The following AKNAD1 variants were observed in gnomAD, a reference collection of about 807,000 sequenced individuals.
AKNAD1 encodes protein AKNAD1.
Under a neutral mutation model 90.8 loss-of-function variants are expected in AKNAD1, and 67 were observed. The observed-to-expected ratio is 0.74, with a 90% CI of 0.61 to 0.90. The LOEUF is 0.90. Among genes scored for constraint, AKNAD1 ranks in the 40% least tolerant of loss-of-function variants. The pLI is 0.00. For missense variants in AKNAD1, 957 were observed against 975.4 expected (o/e 0.98, Z 0.25); for synonymous variants, 327 against 341.4 (o/e 0.96, Z 0.46).
chr1:108,833,433 A>C (rs34857068), intron 9 of AKNAD1, among the ~76,000 whole-genome samples: 13,095 of 152,178 alleles, frequency 0.086, 745 homozygotes, highest in East Asian at 0.12. Flanking sequence ...AAATACAAAA[A>C]TTAGCTGCAC....
chr1:108,851,844 T>C lies in AKNAD1; in HGVS notation c.821A>G (p.Lys274Arg). The change falls in exon 2 of 16, where the codon AAG becomes AGG. Residue 274 changes from lysine (K) to arginine (R), a missense_variant. Physicochemically the swap from Lys to Arg is conservative, Grantham distance 26. Transcript: ENST00000370001. ...IAPKVKIPKNKIINKPLAIAK... is the reference protein window; with the variant it reads ...IAPKVKIPKNRIINKPLAIAK... ...TATTGCAAGTGGTTTATTAATTATC[T>C]TATTTTTAGGAATTTTCACTTTGGG... 1 of 1,613,714 alleles carries C rather than the reference T, an allele frequency of 6.2e-7. No individual in the cohort carries two copies. The highest frequency in any genetic ancestry group is 8.5e-7 in the Non-Finnish European group (1 of 1,179,892).
intron 8 of AKNAD1, 100 bp from the exon 9 acceptor site, chr1:108,834,628 G>C (rs1664322367): frequency 2.4e-6 from 3 of 1,245,490 alleles, no homozygotes; most frequent in Non-Finnish European, 3.3e-6. Flanking sequence ...CCCCTGGGAT[G>C]GTGGGAGCGA....
At chr1:108,848,868 A>T (rs765826769) in intron 4 of AKNAD1, 44 bp downstream of exon 4, 96 of 1,599,588 alleles carry the variant, frequency 6.0e-5, no homozygotes, top group Non-Finnish European at 8.1e-5. Context: ...TCATGTGTGA[A>T]TTTGGTTACT....
intron 3 of AKNAD1, 110 bp downstream of exon 3, chr1:108,849,427 C>A: frequency 2.7e-6 from 2 of 729,632 alleles, no homozygotes; most frequent in African/African-American, 1.8e-5. Context: ...TGCAATGAAC[C>A]AAGATTGTGC....
chr1:108,825,095 C>A (rs1329608614), intron 11 of AKNAD1, among the ~76,000 whole-genome samples: 1 of 151,534 alleles, frequency 6.6e-6, no homozygotes, highest in East Asian at 2.0e-4. Context: ...GAACTGAGAC[C>A]TCCTGCCAAT....
intron 14 of AKNAD1, among the ~76,000 whole-genome samples, chr1:108,818,963 CAAA>C (rs56396425): frequency 2.0e-5 from 2 of 99,860 alleles, no homozygotes; most frequent in Non-Finnish European, 3.9e-5. Flanking sequence ...AACTCCATCT[CAAA>C]AAAAAAAAAA....
Position 108,857,022 on chromosome 1 carries a change from T to C in AKNAD1, c.-197A>G, listed in dbSNP as rs7522324. 13,734 of 152,254 alleles carry C rather than the reference T, an allele frequency of 0.09. 702 individuals are homozygous for C. The highest frequency in any genetic ancestry group is 0.1 in the Non-Finnish European group (6,960 of 68,020). The allele number at this position is 152,254 out of a possible 1,614,324, so 9.4% of individuals were successfully genotyped here. ...GGCTCAATCTTGAAATCCAAAGGCA[T>C]ATCCAAAGAGGTTCCACTCAGAATC... On this transcript the variant is annotated 5_prime_UTR_variant, in exon 1 of 16. The change creates a new upstream start codon in the 5' untranslated region. Coordinates refer to ENST00000370001, the MANE Select transcript of AKNAD1 (RefSeq NM_152763.5).
chr1:108,852,598 G>C lies in AKNAD1; in HGVS notation c.67C>G (p.Leu23Val). 6.2e-7 allele frequency: 1 copy of C among 1,611,058 alleles called. No homozygotes were observed. Among genetic ancestry groups the C allele is most frequent in the Non-Finnish European group, 8.5e-7 (1 of 1,178,966 alleles). ...TCATTGCCTATCTTAATCTGAGAGA[G>C]GTCCCCATCATAAGGCAAATCCTCC... is the stretch of plus-strand genomic sequence containing the variant. ...KQEDLPYDGD[L>V]SQIKIGNDYS... The change falls in exon 2 of 16, where the codon CTC becomes GTC. Residue 23 changes from leucine (L) to valine (V), a missense_variant. Coordinates refer to ENST00000370001, the MANE Select transcript of AKNAD1 (RefSeq NM_152763.5).
chr1:108,836,211 C>T (rs1664381125), intron 7 of AKNAD1, among the ~76,000 whole-genome samples: 1 of 152,192 alleles, frequency 6.6e-6, no homozygotes, highest in Admixed American at 6.5e-5. Context: ...GCAGGGCCAA[C>T]CCTGAGGTGG....
rs771542694 is a variant in AKNAD1, at chr1:108,834,984, G to T, written c.1609C>A (p.Gln537Lys). The T allele has an allele frequency of 3.8e-6, 6 of 1,563,650 alleles. No individual in the cohort carries two copies. The East Asian group carries it at 1.5e-4, about 38-fold the overall frequency. The change falls in exon 8 of 16, where the codon CAA (glutamine) becomes AAA (lysine). Residue 537 changes from glutamine (Q) to lysine (K), a missense_variant. Transcript: ENST00000370001. ...TTGGGGGCCTCCTGCGGCCCTCCTT[G>T]GGGTGTCCCTGTTACCTCACTCCCA... ...SGGSEVTGTP[Q>K]GGPQEAPNEE...
chr1:108,848,625 G>A, intron 5 of AKNAD1, 127 bp downstream of exon 5: 1 of 830,308 alleles, frequency 1.2e-6, no homozygotes, highest in Admixed American at 2.8e-5. Context: ...AACAAAGATG[G>A]TTTAATCTTT....
chr1:108,834,414 G>A, intron 9 of AKNAD1, 33 bp downstream of exon 9: 1 of 1,555,956 alleles, frequency 6.4e-7, no homozygotes, highest in Non-Finnish European at 8.7e-7. Flanking sequence ...ACAATGAGAA[G>A]AACCCAGCCA....
intron 1 of AKNAD1, among the ~76,000 whole-genome samples, chr1:108,853,289 G>A (rs989883228): frequency 1.3e-4 from 19 of 151,832 alleles, no homozygotes; most frequent in African/African-American, 3.1e-4. Context: ...CCGCCACCAC[G>A]CCCAGCTAAT....
rs765571854 is a variant in AKNAD1, at chr1:108,851,924, G to A, written c.741C>T (p.Phe247=). The A allele has an allele frequency of 1.2e-6, 2 of 1,614,188 alleles. No individual in the cohort carries two copies. Among genetic ancestry groups the A allele is most frequent in the Non-Finnish European group, 1.7e-6 (2 of 1,180,034 alleles). Residue 247 remains phenylalanine (F), a synonymous_variant, in exon 2 of 16, where the codon TTC becomes TTT. Transcript: ENST00000370001. The part of the protein sequence containing the change: ...QTEKANSGNT[F]KYGQGQVHYQ... ...AATGAACTTGACCTTGGCCGTATTT[G>A]AACGTGTTGCCTGAATTTGCTTTTT...
At chr1:108,854,407 C>T (rs1664972206) in intron 1 of AKNAD1, among the ~76,000 whole-genome samples, 1 of 152,132 alleles carries the variant, frequency 6.6e-6, no homozygotes, top group African/African-American at 2.4e-5. Flanking sequence ...GGTTCTCTCT[C>T]CAACCAAATT....
At chr1:108,819,253 G>A (rs528870047) in intron 14 of AKNAD1, among the ~76,000 whole-genome samples, 38 of 151,990 alleles carry the variant, frequency 2.5e-4, no homozygotes, top group Non-Finnish European at 3.8e-4. Context: ...CCTCTAATTC[G>A]TTTCCACTCC....
intron 1 of AKNAD1, among the ~76,000 whole-genome samples, chr1:108,856,240 A>G (rs58576956): frequency 0.035 from 5,356 of 152,252 alleles, 287 homozygotes; most frequent in African/African-American, 0.12. Flanking sequence ...CCCAAGTATC[A>G]GTCCCAAAGT....
chr1:108,833,538 G>A (rs1003902335), intron 9 of AKNAD1, among the ~76,000 whole-genome samples: 3 of 151,644 alleles, frequency 2.0e-5, no homozygotes, highest in East Asian at 1.9e-4. Flanking sequence ...AGCTGGGATC[G>A]CACCATTGCA....
At chr1:108,849,115 TA>T in intron 3 of AKNAD1, 55 bp from the exon 4 acceptor site, 1 of 1,452,030 alleles carries the variant, frequency 6.9e-7, no homozygotes. Flanking sequence ...ATCACAGTTT[TA>T]TTAAGTACTG....
Sources: gnomAD v4.1 joint callset for allele counts (sites outside exome capture counted in the v4.1 genomes callset) on GRCh38, gnomAD v4.1.1 for gene constraint, MANE v1.5 for transcripts, NCBI Gene and HGNC (gene_info 2026-07-23, HGNC 2026-07-21) for gene names.